The following SLC8A2 variants were observed in gnomAD, a reference collection of about 807,000 sequenced individuals.
The protein encoded by SLC8A2 is sodium/calcium exchanger 2.
SLC8A2 carries 14 observed loss-of-function variants against 70.2 expected under a neutral mutation model. That is an observed-to-expected ratio of 0.20 (90% CI 0.13 to 0.31). The LOEUF (loss-of-function observed/expected upper bound fraction) is 0.31. SLC8A2 is among the 10% of genes least tolerant of loss of function. The pLI is 1.00. For missense variants in SLC8A2, 779 were observed against 1,320.1 expected, an observed-to-expected ratio of 0.59 and a Z score of 6.35; for synonymous variants, 575 against 594.3, an observed-to-expected ratio of 0.97 and a Z score of 0.47.
rs1207873764 is a variant in SLC8A2 at position 47,466,040 on chromosome 19, G to A, written c.364C>T (p.Arg122Cys). 10 of 1,614,040 alleles carry A rather than the reference G, an allele frequency of 6.2e-6. No homozygotes were observed. Among genetic ancestry groups the A allele is most frequent in the Admixed American group, 1.7e-5 (1 of 60,006 alleles). Residue 122 changes from arginine (R) to cysteine (C), a missense_variant, in exon 2 of 10, where the codon CGC (arginine) becomes TGC (cysteine). Coordinates refer to ENST00000236877, the MANE Select transcript of SLC8A2 (RefSeq NM_015063.3). This position sits in a 1 kb window ranked among gnomAD's most constrained non-coding sequence, Gnocchi z 6.9. ...TTGGACACCGTCTCATTCCAGATGC[G>A]AACGGTGCCCACGCTGGTCTCACCG... is the stretch of plus-strand genomic sequence containing the variant. The part of the protein sequence containing the change: ...ANGETSVGTV[R>C]IWNETVSNLT...
chr19:47,453,958 C>G (rs772431519), intron 3 of SLC8A2, among the ~76,000 whole-genome samples: 2 of 152,030 alleles, frequency 1.3e-5, no homozygotes, highest in Middle Eastern at 6.8e-3. Flanking sequence ...CCAGCCTGGG[C>G]AACATGGCAA....
intron 3 of SLC8A2, among the ~76,000 whole-genome samples, chr19:47,456,604 T>TG (rs1967305884): frequency 6.6e-6 from 1 of 152,208 alleles, no homozygotes; most frequent in African/African-American, 2.4e-5. Flanking sequence ...AGGCAGAGGT[T>TG]GCAGTGAGCG....
intron 2 of SLC8A2, among the ~76,000 whole-genome samples, chr19:47,458,372 C>T (rs1309931370): frequency 1.3e-5 from 2 of 149,644 alleles, no homozygotes; most frequent in African/African-American, 4.9e-5. Flanking sequence ...CTCCCCGTCT[C>T]TCCCCACCTC....
chr19:47,434,782 C>T (rs555046334), intron 8 of SLC8A2, among the ~76,000 whole-genome samples: 1 of 152,258 alleles, frequency 6.6e-6, no homozygotes, highest in African/African-American at 2.4e-5. Context: ...TCTGTGCTCG[C>T]ACAGCAAAGA....
In SLC8A2 at chr19:47,430,023, C is replaced by T. The variant is rs888310445; in HGVS notation, c.*66G>A. On this transcript the variant is annotated 3_prime_UTR_variant, in exon 10 of 10. Transcript: ENST00000236877. This position sits in a 1 kb window ranked among gnomAD's most constrained non-coding sequence, Gnocchi z 5.9. ...CTGGGGGGAAAAGGAGACCAGGGTC[C>T]AAGAGCAGGTGCAGCCGAGTCCCTA... The T allele has an allele frequency of 2.6e-5, 39 of 1,488,296 alleles. No individual in the cohort carries two copies. The highest frequency in any genetic ancestry group is 3.3e-5 in the Non-Finnish European group (37 of 1,112,186). The allele number at this position is 1,488,296 out of a possible 1,614,324, so 92.2% of individuals were successfully genotyped here. A position where few individuals can be genotyped will look rare whatever the true frequency, so the allele number is the denominator to read the frequency against.
chr19:47,456,780 A>G (rs1967308290), intron 3 of SLC8A2, 150 bp downstream of exon 3: 1 of 861,750 alleles, frequency 1.2e-6, no homozygotes, highest in Admixed American at 3.3e-5. Context: ...CGCCTGGCAC[A>G]AAGCAGGCTC....
chr19:47,456,948 C>A lies in SLC8A2; in HGVS notation c.1322G>T (p.Gly441Val). 6.2e-7 allele frequency: 1 copy of A among 1,608,070 alleles called. No homozygotes were observed. The highest frequency in any genetic ancestry group is 8.5e-7 in the Non-Finnish European group (1 of 1,177,400). Reference protein sequence around the residue: ...YRTEDGSAKAGSDYEYSEGTL... With the variant: ...YRTEDGSAKAVSDYEYSEGTL... ...GACCCACCTGTACTCGTAGTCGGAGCCCGCCTTGGCAGAGCCGTCCTCAGT... is the reference window on the plus strand; with the variant it reads ...GACCCACCTGTACTCGTAGTCGGAGACCGCCTTGGCAGAGCCGTCCTCAGT... Residue 441 changes from glycine to valine, a missense_variant, in exon 3 of 10, where the codon GGC (glycine) becomes GTC (valine). Physicochemically the swap from Gly to Val is moderately radical, Grantham distance 109. Around this residue, in one of 6 missense-constraint regions of SLC8A2, gnomAD observed 18 missense variants for 61.3 expected, o/e 0.29. Transcript: ENST00000236877.
At position 47,456,947 on chromosome 19, in the gene SLC8A2, G is replaced by T; in HGVS notation, c.1323C>A (p.Gly441=). The T allele has an allele frequency of 6.2e-7, 1 of 1,608,352 alleles. No homozygotes were observed. Among genetic ancestry groups the T allele is most frequent in the Non-Finnish European group, 8.5e-7 (1 of 1,177,572 alleles). Residue 441 remains glycine, a synonymous_variant, in exon 3 of 10, where the codon GGC becomes GGA. Transcript: ENST00000236877. ...YRTEDGSAKA[G]SDYEYSEGTL... is the part of the protein sequence containing the mutation. Reference sequence around the variant, plus strand: ...GGACCCACCTGTACTCGTAGTCGGAGCCCGCCTTGGCAGAGCCGTCCTCAG... The same window carrying T: ...GGACCCACCTGTACTCGTAGTCGGATCCCGCCTTGGCAGAGCCGTCCTCAG...
rs1178005950 is a variant in SLC8A2 at position 47,456,937 on chromosome 19, C to T, written c.1333G>A (p.Glu445Lys). The T allele has an allele frequency of 1.9e-6, 3 of 1,605,114 alleles. No individual in the cohort carries two copies. Among genetic ancestry groups the T allele is most frequent in the South Asian group, 2.2e-5 (2 of 89,862 alleles). ...CCACCCCGGGGGACCCACCTGTACT[C>T]GTAGTCGGAGCCCGCCTTGGCAGAG... ...DGSAKAGSDY[E>K]YSEGTLVFKP... The change falls in exon 3 of 10, where the codon GAG (glutamate) becomes AAG (lysine). Residue 445 changes from glutamate (E) to lysine (K), a missense_variant. Physicochemically the swap from Glu to Lys is moderately conservative, Grantham distance 56. Transcript: ENST00000236877.
At chr19:47,440,090 C>A (rs1967083312) in intron 6 of SLC8A2, among the ~76,000 whole-genome samples, 1 of 152,206 alleles carries the variant, frequency 6.6e-6, no homozygotes, top group African/African-American at 2.4e-5. Flanking sequence ...GATCCCAATT[C>A]TGATCTTGAC....
chr19:47,458,523 T>A (rs1402896373), intron 2 of SLC8A2, among the ~76,000 whole-genome samples: 2 of 141,838 alleles, frequency 1.4e-5, no homozygotes, highest in African/African-American at 5.3e-5. Flanking sequence ...TCCTCATTTC[T>A]CTCTCCTTTC....
chr19:47,466,161 G>A lies in SLC8A2; in HGVS notation c.243C>T (p.Tyr81=). ...RAVVYFVAMV[Y]MFLGVSIIAD... is the part of the protein sequence containing the mutation. Reference sequence around the variant, plus strand: ...CGATGATGGACACTCCCAGAAACATGTAGACCATGGCCACAAAGTACACCA... The same window carrying A: ...CGATGATGGACACTCCCAGAAACATATAGACCATGGCCACAAAGTACACCA... The change falls in exon 2 of 10, where the codon TAC becomes TAT. Residue 81 remains tyrosine, a synonymous_variant. Transcript: ENST00000236877. The surrounding 1 kb of genome is among the most constrained non-coding windows in gnomAD (Gnocchi z 6.9). 1.2e-6 allele frequency: 2 copies of A among 1,614,230 alleles called. No homozygotes were observed. The highest frequency in any genetic ancestry group is 1.7e-6 in the Non-Finnish European group (2 of 1,180,034).
chr19:47,431,707 G>A (rs1292696671), intron 9 of SLC8A2, among the ~76,000 whole-genome samples: 1 of 149,342 alleles, frequency 6.7e-6, no homozygotes, highest in African/African-American at 2.4e-5. Context: ...CAACTTTGAG[G>A]TTCACTGGCC....
chr19:47,451,062 G>A (rs917631493), intron 3 of SLC8A2, among the ~76,000 whole-genome samples: 1 of 139,496 alleles, frequency 7.2e-6, no homozygotes, highest in Non-Finnish European at 1.5e-5. Flanking sequence ...AGGCTGGAGT[G>A]CAGTGGCACG....
At chr19:47,431,909 A>G (rs1966967784) in intron 9 of SLC8A2, among the ~76,000 whole-genome samples, 1 of 151,654 alleles carries the variant, frequency 6.6e-6, no homozygotes, top group South Asian at 2.1e-4. Context: ...TATGAAATCC[A>G]TTGTCTGGTT....
rs1300479243 is a variant in SLC8A2, at chr19:47,466,884, C to T, written c.-16-465G>A. ...CCAGCCTGGCCAACATGGTGAAACC[C>T]CGTCTCTACTAAAAATACAAAAATT... On this transcript the variant is annotated intron_variant, in intron 1 of 9. Transcript: ENST00000236877. This position sits in a 1 kb window ranked among gnomAD's most constrained non-coding sequence, Gnocchi z 6.9. Among the ~76,000 whole-genome samples, 1 of 152,062 alleles carries T rather than the reference C, an allele frequency of 6.6e-6. No homozygotes were observed. Among genetic ancestry groups the T allele is most frequent in the Non-Finnish European group, 1.5e-5 (1 of 68,020 alleles).
rs1967446141 is a variant in SLC8A2 at position 47,465,516 on chromosome 19, A to G, written c.675+213T>C. Among the ~76,000 whole-genome samples the G allele has an allele frequency of 6.6e-6, 1 of 152,166 alleles. No homozygotes were observed. Among genetic ancestry groups the G allele is most frequent in the African/African-American group, 2.4e-5 (1 of 41,456 alleles). On this transcript the variant is annotated intron_variant, in intron 2 of 9. Coordinates refer to ENST00000236877, the MANE Select transcript of SLC8A2 (RefSeq NM_015063.3). This position sits in a 1 kb window ranked among gnomAD's most constrained non-coding sequence, Gnocchi z 5.5. ...CCCTCCAGAGATATGGCTGGGTAGC[A>G]TCAGCAGGACTCCAGCCCCTCCAGC...
chr19:47,436,559 G>A (rs568235847), intron 8 of SLC8A2, among the ~76,000 whole-genome samples: 7 of 152,098 alleles, frequency 4.6e-5, no homozygotes, highest in South Asian at 4.1e-4. Context: ...GATCCTGCTC[G>A]CCCAGTTTCT....
chr19:47,442,501 G>A (rs1330907351), intron 4 of SLC8A2, among the ~76,000 whole-genome samples: 1 of 152,072 alleles, frequency 6.6e-6, no homozygotes, highest in Non-Finnish European at 1.5e-5. Context: ...ATGCCTCAGG[G>A]CTTTTGCACT....
Sources: gnomAD v4.1 joint callset for allele counts (sites outside exome capture counted in the v4.1 genomes callset) on GRCh38, gnomAD v4.1.1 for gene constraint, gnomAD v4.1.1 regional missense constraint, Gnocchi (gnomAD v3.1) non-coding constraint, MANE v1.5 for transcripts, NCBI Gene and HGNC (gene_info 2026-07-23, HGNC 2026-07-21) for gene names.